Variants in ATP5F1A observed in about 807,000 individuals in gnomAD.
ATP5F1A encodes the protein ATP synthase F(1) complex subunit alpha, mitochondrial.
ATP5F1A carries 24 observed loss-of-function variants against 57.4 expected under a neutral mutation model. The observed-to-expected ratio is 0.42, with a 90% CI of 0.30 to 0.59. ATP5F1A has a LOEUF of 0.59. Among genes scored for constraint, ATP5F1A ranks in the 20% least tolerant of loss-of-function variants. ATP5F1A has a pLI of 0.19. For synonymous variants in ATP5F1A, 251 were observed against 255.5 expected, an observed-to-expected ratio of 0.98 and a Z score of 0.17; for missense variants, 494 against 707.9, an observed-to-expected ratio of 0.70 and a Z score of 3.43.
At chr18:46,089,304 G>A in intron 5 of ATP5F1A, 1 of 411,090 alleles carries the variant, frequency 2.4e-6, no homozygotes, top group Non-Finnish European at 4.4e-6. Flanking sequence ...CCTTCATCTG[G>A]TGCCCAACAT....
chr18:46,094,051 G>A (rs1054872527), intron 2 of ATP5F1A, among the ~76,000 whole-genome samples: 3 of 151,820 alleles, frequency 2.0e-5, no homozygotes, highest in Admixed American at 6.6e-5. Context: ...AGGCTGCAGT[G>A]AGCCCAGATC....
At chr18:46,087,589 A>T (rs1910211311) in intron 6 of ATP5F1A, 97 bp from the exon 7 acceptor site, 1 of 1,416,534 alleles carries the variant, frequency 7.1e-7, no homozygotes, top group Admixed American at 2.1e-5. Context: ...TACCATTAAG[A>T]GTTAATCAGG....
At chr18:46,101,957 G>A (rs1279271362), upstream of ATP5F1A, among the ~76,000 whole-genome samples, 3 of 151,794 alleles carry the variant, frequency 2.0e-5, no homozygotes, top group African/African-American at 7.3e-5. Context: ...GGCGGATCAC[G>A]AGGTCAGGAG....
At chr18:46,088,600 A>G (rs1227588821) in intron 5 of ATP5F1A, 1 of 171,696 alleles carries the variant, frequency 5.8e-6, no homozygotes. Flanking sequence ...GACACAATGC[A>G]CTGTGGAAGG....
At chr18:46,091,916 TAATC>T in intron 2 of ATP5F1A, 65 bp from the exon 3 acceptor site, 1 of 1,497,088 alleles carries the variant, frequency 6.7e-7, no homozygotes, top group South Asian at 1.3e-5. Context: ...CTCACAGCTG[TAATC>T]CCAGCACTTT....
At position 46,084,341 on chromosome 18, in the gene ATP5F1A, GT is replaced by G; in HGVS notation, c.1602del (p.Glu534AspfsTer7). On this transcript the variant is annotated frameshift_variant, in exon 12 of 12. Coordinates refer to ENST00000398752, the MANE Select transcript of ATP5F1A (RefSeq NM_004046.6). LOFTEE classifies it high-confidence loss of function. ...GTIRADGKIS[E>X]QSDAKLKEIV... is the part of the protein sequence containing the mutation. ...ATCTCTTTCAGCTTTGCATCTGATT[GT>G]TCTGAGATCTTTCCATCAGCCCTAT... The G allele has an allele frequency of 6.2e-7, 1 of 1,601,064 alleles. No individual in the cohort carries two copies. Among genetic ancestry groups the G allele is most frequent in the Non-Finnish European group, 8.5e-7 (1 of 1,173,512 alleles).
At chr18:46,103,516 G>A (rs1361064322) in intron 1 of ATP5F1A, among the ~76,000 whole-genome samples, 3 of 147,214 alleles carry the variant, frequency 2.0e-5, no homozygotes, top group Non-Finnish European at 3.0e-5. Flanking sequence ...CAGGAGAATC[G>A]CTTGAACCCG....
At chr18:46,099,626 C>T (rs920325562), upstream of ATP5F1A, among the ~76,000 whole-genome samples, 1 of 151,900 alleles carries the variant, frequency 6.6e-6, no homozygotes, top group Non-Finnish European at 1.5e-5. Context: ...GTAAAGACGG[C>T]GGTGGTGGGC....
upstream of ATP5F1A, among the ~76,000 whole-genome samples, chr18:46,101,036 C>T (rs1313273377): frequency 6.6e-6 from 1 of 152,100 alleles, no homozygotes; most frequent in East Asian, 1.9e-4. Context: ...CATGCCATTG[C>T]ATTCCAGCCT....
upstream of ATP5F1A, among the ~76,000 whole-genome samples, chr18:46,102,971 A>T (rs1043206754): frequency 7.2e-5 from 11 of 151,956 alleles, no homozygotes; most frequent in Non-Finnish European, 1.3e-4. Flanking sequence ...ATAAATAATA[A>T]ATAAGCTTGG....
chr18:46,102,869 G>A (rs993347015), upstream of ATP5F1A, among the ~76,000 whole-genome samples: 1 of 152,110 alleles, frequency 6.6e-6, no homozygotes, highest in Non-Finnish European at 1.5e-5. Context: ...GATTGCTTGA[G>A]CCCAGGAGTT....
chr18:46,086,172 G>C lies in ATP5F1A; in HGVS notation c.1370C>G (p.Thr457Ser). ...AQFGSDLDAA[T>S]QQLLSRGVRL... ...CACGCCACGACTCAAAAGTTGTTGAGTGGCAGCATCGAGGTCAGAACCGAA... is the reference window on the plus strand; with the variant it reads ...CACGCCACGACTCAAAAGTTGTTGACTGGCAGCATCGAGGTCAGAACCGAA... Residue 457 changes from threonine (T) to serine (S), a missense_variant, in exon 10 of 12, where the codon ACT (threonine) becomes AGT (serine). Thr to Ser is a moderately conservative substitution (Grantham distance 58, BLOSUM62 1). Coordinates refer to ENST00000398752, the MANE Select transcript of ATP5F1A (RefSeq NM_004046.6). 1 of 1,612,400 alleles carries C rather than the reference G, an allele frequency of 6.2e-7. No homozygotes were observed. The highest frequency in any genetic ancestry group is 8.5e-7 in the Non-Finnish European group (1 of 1,180,034).
chr18:46,097,734 A>C, intron 1 of ATP5F1A: 2 of 815,300 alleles, frequency 2.5e-6, no homozygotes, highest in Non-Finnish European at 3.0e-6. Context: ...GCTGACCTTC[A>C]CACAATGTCA....
rs1215703246 is a variant in ATP5F1A at position 46,091,761 on chromosome 18, A to G, written c.230T>C (p.Ile77Thr). The G allele has an allele frequency of 3.1e-6, 5 of 1,613,970 alleles. No homozygotes were observed. Among genetic ancestry groups the G allele is most frequent in the Admixed American group, 3.3e-5 (2 of 59,970 alleles). ...DLEETGRVLS[I>T]GDGIARVHGL... ...ATGTACGCGGGCAATACCATCACCA[A>G]TACTTAAGACACGCCCAGTTTCTTC... is the stretch of plus-strand genomic sequence containing the variant. The change falls in exon 3 of 12, where the codon ATT (isoleucine) becomes ACT (threonine). Residue 77 changes from isoleucine (I) to threonine (T), a missense_variant. Physicochemically the swap from Ile to Thr is moderately conservative, Grantham distance 89. Transcript: ENST00000398752.
chr18:46,097,984 G>A (rs1362310025), intron 1 of ATP5F1A, 188 bp downstream of exon 1: 62 of 1,410,008 alleles, frequency 4.4e-5, no homozygotes, highest in Non-Finnish European at 5.5e-5. Flanking sequence ...GTACCATTCT[G>A]CCTCTGCGCA....
intron 2 of ATP5F1A, among the ~76,000 whole-genome samples, chr18:46,093,734 G>GA (rs1910730919): frequency 6.6e-6 from 1 of 152,158 alleles, no homozygotes; most frequent in African/African-American, 2.4e-5. Flanking sequence ...TGACTCAGGA[G>GA]AATCACTTGA....
intron 1 of ATP5F1A, among the ~76,000 whole-genome samples, chr18:46,096,383 C>T (rs921153918): frequency 2.0e-5 from 3 of 151,240 alleles, no homozygotes; most frequent in Non-Finnish European, 4.4e-5. Context: ...GCCTGTAATC[C>T]CAGCTACTCG....
intron 6 of ATP5F1A, 123 bp from the exon 7 acceptor site, chr18:46,087,615 C>G: frequency 1.7e-6 from 2 of 1,166,660 alleles, no homozygotes; most frequent in South Asian, 1.5e-5. Flanking sequence ...CGCAGTGGCT[C>G]ATGCCTGTAA....
At chr18:46,094,924 GA>G in intron 2 of ATP5F1A, 128 bp downstream of exon 2, 1 of 1,285,860 alleles carries the variant, frequency 7.8e-7, no homozygotes, top group Non-Finnish European at 1.0e-6. Flanking sequence ...TATGGTTTAA[GA>G]ACCTGAGAGT....
Sources: gnomAD v4.1 joint callset for allele counts (sites outside exome capture counted in the v4.1 genomes callset) on GRCh38, gnomAD v4.1.1 for gene constraint, MANE v1.5 for transcripts, NCBI Gene and HGNC (gene_info 2026-07-23, HGNC 2026-07-21) for gene names.